The following RHOJ variants were observed in gnomAD, a reference collection of about 807,000 sequenced individuals.
The protein encoded by RHOJ is ras homolog family member J, also known as rho-related GTP-binding protein RhoJ.
In RHOJ, 11 loss-of-function variants were observed where a neutral mutation model predicts 23.4. That is an observed-to-expected ratio of 0.47 (90% CI 0.30 to 0.78). The LOEUF (loss-of-function observed/expected upper bound fraction) is 0.78. Ranked by LOEUF, RHOJ falls within the 30% of genes least tolerant of loss-of-function variation. The probability of loss-of-function intolerance (pLI) is 0.08; values close to 1 mark genes in which losing one functional copy is unlikely to be tolerated. For missense variants in RHOJ, 254 were observed against 273.4 expected (o/e 0.93, Z 0.50); for synonymous variants, 102 against 102.7 (o/e 0.99, Z 0.04).
In RHOJ at chr14:63,250,279, CTG is replaced by C. The variant is rs372962582; in HGVS notation, c.179-18829_179-18828del. Among the ~76,000 whole-genome samples the C allele has an allele frequency of 2.8e-3, 422 of 152,290 alleles. 1 individual carries two copies. Among genetic ancestry groups the C allele is most frequent in the African/African-American group, 9.8e-3 (406 of 41,552 alleles). ...GTTTTGTTTGAGACAGGGCCTCACT[CTG>C]TCATCCAGGCTGGAGTACAGTGGCC... On this transcript the variant is annotated intron_variant, in intron 1 of 4. Transcript: ENST00000316754.
intron 1 of RHOJ, among the ~76,000 whole-genome samples, chr14:63,237,419 A>G (rs1282538911): frequency 1.3e-5 from 2 of 152,214 alleles, no homozygotes; most frequent in Non-Finnish European, 2.9e-5. Context: ...TTGAAACAGT[A>G]TAAATGTCAG....
At chr14:63,277,513 A>T (rs1335237723) in intron 2 of RHOJ, among the ~76,000 whole-genome samples, 2 of 152,204 alleles carry the variant, frequency 1.3e-5, no homozygotes, top group Non-Finnish European at 1.5e-5. Flanking sequence ...GCAGAGCTTC[A>T]GGATGGTTTA....
chr14:63,282,230 C>T (rs953420764), intron 3 of RHOJ, among the ~76,000 whole-genome samples: 1 of 151,634 alleles, frequency 6.6e-6, no homozygotes, highest in Non-Finnish European at 1.5e-5. Flanking sequence ...GTGATTCAAG[C>T]TGATTTTATT....
intron 1 of RHOJ, among the ~76,000 whole-genome samples, chr14:63,225,362 T>C (rs1000706420): frequency 1.3e-5 from 2 of 152,184 alleles, no homozygotes; most frequent in South Asian, 2.1e-4. Flanking sequence ...ATATTTGCTA[T>C]TGAAGAAAAA....
intron 1 of RHOJ, among the ~76,000 whole-genome samples, chr14:63,214,369 TC>T (rs781270398): frequency 6.6e-6 from 1 of 152,186 alleles, no homozygotes; most frequent in Non-Finnish European, 1.5e-5. Flanking sequence ...CTTAGTAGGT[TC>T]AGAAAACCCT....
intron 1 of RHOJ, among the ~76,000 whole-genome samples, chr14:63,232,042 G>A (rs950810354): frequency 6.6e-6 from 1 of 152,204 alleles, no homozygotes; most frequent in African/African-American, 2.4e-5. Flanking sequence ...AGTCATGACA[G>A]TTGAGTGCTT....
rs372886560 is a variant in RHOJ, at chr14:63,212,716, C to T, written c.178+7669C>T. Among the ~76,000 whole-genome samples, 99 of 152,278 alleles carry T rather than the reference C, an allele frequency of 6.5e-4. 2 individuals are homozygous for T. In the South Asian group the frequency reaches 0.02, roughly 31 times the overall value. ...GAATCCAGAAACAATCATTTTCTAA[C>T]TCTTTGAACCCATGAAAATCTGTGT... On this transcript the variant is annotated intron_variant, in intron 1 of 4. Coordinates refer to ENST00000316754, the MANE Select transcript of RHOJ (RefSeq NM_020663.5).
At position 63,204,612 on chromosome 14, in the gene RHOJ, G is replaced by T. The variant is rs1186190859; in HGVS notation, c.-258G>T. ...GAAGCCCCTCGAATTCTGTGAAAAT[G>T]AGGGTTTCTTAACTCACACTGAGAG... On this transcript the variant is annotated 5_prime_UTR_variant, in exon 1 of 5. The change abolishes an upstream ATG in the 5' untranslated region. Coordinates refer to ENST00000316754, the MANE Select transcript of RHOJ (RefSeq NM_020663.5). 1 of 506,094 alleles carries T rather than the reference G, an allele frequency of 2.0e-6. No homozygotes were observed. The highest frequency in any genetic ancestry group is 3.5e-5 in the Admixed American group (1 of 28,430). 31.4% of individuals were successfully genotyped at this position (506,094 alleles called of 1,614,324 possible).
intron 2 of RHOJ, among the ~76,000 whole-genome samples, chr14:63,274,977 G>A (rs931041803): frequency 3.3e-5 from 5 of 152,164 alleles, no homozygotes; most frequent in Admixed American, 6.5e-5. Context: ...TGTGGGTATG[G>A]CGGGGTGGGA....
At chr14:63,205,536 T>C (rs948978148) in intron 1 of RHOJ, among the ~76,000 whole-genome samples, 3 of 152,226 alleles carry the variant, frequency 2.0e-5, no homozygotes, top group South Asian at 2.1e-4. Context: ...TCTATAACAA[T>C]TGGTGCTATA....
chr14:63,207,031 TTTTC>T (rs1387619586), intron 1 of RHOJ, among the ~76,000 whole-genome samples: 1 of 143,890 alleles, frequency 6.9e-6, no homozygotes, highest in Non-Finnish European at 1.5e-5. Context: ...TTTTCTTTTC[TTTTC>T]TTTTTTTTTT....
intron 1 of RHOJ, among the ~76,000 whole-genome samples, chr14:63,236,321 G>A (rs551890472): frequency 9.2e-5 from 14 of 152,242 alleles, no homozygotes; most frequent in Admixed American, 2.6e-4. Flanking sequence ...GTATTAGTCC[G>A]TTTTCACGCT....
intron 1 of RHOJ, among the ~76,000 whole-genome samples, chr14:63,263,042 C>T (rs1895300416): frequency 6.6e-6 from 1 of 152,206 alleles, no homozygotes; most frequent in Admixed American, 6.5e-5. Context: ...GTTTAGTACC[C>T]ACCATAGGTC....
chr14:63,273,121 A>C (rs982115190), intron 2 of RHOJ, among the ~76,000 whole-genome samples: 3 of 152,192 alleles, frequency 2.0e-5, no homozygotes, highest in African/African-American at 7.2e-5. Context: ...ACCCTGAAAC[A>C]AACTAACATT....
At chr14:63,282,939 C>T (rs547790399) in intron 3 of RHOJ, among the ~76,000 whole-genome samples, 182 bp from the exon 4 acceptor site, 1 of 152,208 alleles carries the variant, frequency 6.6e-6, no homozygotes, top group South Asian at 2.1e-4. Flanking sequence ...CTGTTGTGTA[C>T]ATTTACAAAG....
At chr14:63,208,836 A>G (rs1477658183) in intron 1 of RHOJ, among the ~76,000 whole-genome samples, 2 of 152,180 alleles carry the variant, frequency 1.3e-5, no homozygotes, top group Non-Finnish European at 2.9e-5. Flanking sequence ...TCTGAGACTC[A>G]GATTCATATA....
chr14:63,232,860 C>T (rs967565676), intron 1 of RHOJ, among the ~76,000 whole-genome samples: 11 of 151,938 alleles, frequency 7.2e-5, no homozygotes, highest in African/African-American at 2.7e-4. Flanking sequence ...CCATGCTGGG[C>T]TAATTTTTGT....
chr14:63,266,136 G>A (rs1042043479), intron 1 of RHOJ, among the ~76,000 whole-genome samples: 3 of 152,102 alleles, frequency 2.0e-5, no homozygotes, highest in Admixed American at 6.5e-5. Context: ...AGTTTTTCAA[G>A]GCCATTTCAA....
intron 1 of RHOJ, among the ~76,000 whole-genome samples, chr14:63,218,639 T>A (rs756144618): frequency 6.6e-6 from 1 of 152,170 alleles, no homozygotes; most frequent in African/African-American, 2.4e-5. Context: ...CAGCCAAACA[T>A]CCTATTTAGC....
Sources: gnomAD v4.1 joint callset for allele counts (sites outside exome capture counted in the v4.1 genomes callset) on GRCh38, gnomAD v4.1.1 for gene constraint, MANE v1.5 for transcripts, NCBI Gene and HGNC (gene_info 2026-07-23, HGNC 2026-07-21) for gene names.